FBN2: variants seen among roughly 807,000 people sequenced by gnomAD.
The protein encoded by FBN2 is fibrillin 2, also known as fibrillin-2.
FBN2 carries 105 observed loss-of-function variants against 355.6 expected under a neutral mutation model. The ratio of observed to expected loss-of-function variants is 0.30; its 90% CI spans 0.25 to 0.35. The LOEUF is 0.35. Among genes scored for constraint, FBN2 ranks in the 10% least tolerant of loss-of-function variants. FBN2 has a pLI of 1.00. For missense variants in FBN2, 3,280 were observed against 3,758.7 expected, an observed-to-expected ratio of 0.87 and a Z score of 3.33; for synonymous variants, 1,350 against 1,301.2, an observed-to-expected ratio of 1.04 and a Z score of -0.81.
At chr5:128,442,940 A>C (rs1753961694) in intron 7 of FBN2, among the ~76,000 whole-genome samples, 1 of 152,216 alleles carries the variant, frequency 6.6e-6, no homozygotes, top group Non-Finnish European at 1.5e-5. Context: ...GACATGTTTC[A>C]AACATTAAGT....
intron 7 of FBN2, among the ~76,000 whole-genome samples, chr5:128,439,934 G>T (rs1180504470): frequency 6.6e-6 from 1 of 151,984 alleles, no homozygotes; most frequent in African/African-American, 2.4e-5. Flanking sequence ...ATTTATCCTG[G>T]TATAAGATGT....
intron 22 of FBN2, among the ~76,000 whole-genome samples, 175 bp downstream of exon 22, chr5:128,349,780 T>C (rs746420091): frequency 6.6e-6 from 1 of 152,212 alleles, no homozygotes; most frequent in Non-Finnish European, 1.5e-5. Context: ...AACGGGAAAC[T>C]CTAAGCTCTT....
At chr5:128,451,153 A>G (rs1754230298) in intron 6 of FBN2, among the ~76,000 whole-genome samples, 2 of 152,158 alleles carry the variant, frequency 1.3e-5, no homozygotes, top group South Asian at 2.1e-4. Context: ...AAAGTTCTGT[A>G]TATCTCAGTG....
chr5:128,369,560 A>G (rs544447122), intron 15 of FBN2, among the ~76,000 whole-genome samples: 2 of 152,332 alleles, frequency 1.3e-5, no homozygotes, highest in South Asian at 2.1e-4. Flanking sequence ...TTCTTTAATA[A>G]GTTTTATGAG....
At chr5:128,501,929 GA>G (rs988222472) in intron 5 of FBN2, among the ~76,000 whole-genome samples, 6 of 152,132 alleles carry the variant, frequency 3.9e-5, no homozygotes, top group Admixed American at 3.3e-4. Context: ...ATGACTCGAA[GA>G]CACAACAGAA....
chr5:128,349,546 T>C, intron 22 of FBN2, 74 bp from the exon 23 acceptor site: 1 of 1,516,874 alleles, frequency 6.6e-7, no homozygotes, highest in Non-Finnish European at 9.1e-7. Flanking sequence ...CTACTTCCTG[T>C]ATAGCATTTT....
intron 7 of FBN2, among the ~76,000 whole-genome samples, chr5:128,443,855 A>T (rs1165895650): frequency 6.6e-6 from 1 of 152,132 alleles, no homozygotes; most frequent in Non-Finnish European, 1.5e-5. Flanking sequence ...ATAGTTGATC[A>T]AAAGTAATTG....
chr5:128,347,330 C>G (rs1401684668), intron 23 of FBN2, among the ~76,000 whole-genome samples: 3 of 152,138 alleles, frequency 2.0e-5, no homozygotes, highest in Non-Finnish European at 4.4e-5. Flanking sequence ...TTTATATCGG[C>G]AATTAAAAGT....
At chr5:128,417,020 A>G (rs1371172593) in intron 7 of FBN2, among the ~76,000 whole-genome samples, 4 of 152,034 alleles carry the variant, frequency 2.6e-5, no homozygotes, top group East Asian at 1.9e-4. Context: ...GTCCCCTTCA[A>G]TTTCTTTCGT....
chr5:128,519,402 A>G (rs775154545), intron 4 of FBN2, 34 bp from the exon 5 acceptor site: 3 of 1,528,472 alleles, frequency 2.0e-6, no homozygotes, highest in East Asian at 4.5e-5. Context: ...CTCATTATAT[A>G]GCCAGTCTCC....
chr5:128,412,145 A>G (rs1224219790), intron 7 of FBN2, among the ~76,000 whole-genome samples: 2 of 152,210 alleles, frequency 1.3e-5, no homozygotes, highest in Non-Finnish European at 2.9e-5. Context: ...TGCAAATATC[A>G]GAAAAACTGA....
rs76433802 is a variant in FBN2 at position 128,274,839 on chromosome 5, G to A, written c.7595-156C>T. 2.4e-3 allele frequency among the ~76,000 whole-genome samples: 361 copies of A among 152,306 alleles called. 2 individuals carry two copies. Among genetic ancestry groups the A allele is most frequent in the Non-Finnish European group, 3.7e-3 (255 of 68,012 alleles). On this transcript the variant is annotated intron_variant, in intron 59 of 64. Coordinates refer to ENST00000262464, the MANE Select transcript of FBN2 (RefSeq NM_001999.4). ...GATTTCCATAGGCATATGGCAAACA[G>A]TTTCTTTTTACATATTTAAGCAGAA...
chr5:128,421,922 T>G (rs1581279282), intron 7 of FBN2, among the ~76,000 whole-genome samples: 1 of 152,318 alleles, frequency 6.6e-6, no homozygotes, highest in South Asian at 2.1e-4. Flanking sequence ...TAATCCTAGA[T>G]TATCTGGTCC....
intron 62 of FBN2, among the ~76,000 whole-genome samples, chr5:128,270,928 T>C (rs1429747682): frequency 2.6e-5 from 4 of 152,182 alleles, no homozygotes; most frequent in African/African-American, 4.8e-5. Flanking sequence ...ATTTAAATAA[T>C]TTTTTGAAAC....
At chr5:128,481,009 AAGTAATATACTTCCTCACGG>A (rs1415226055) in intron 5 of FBN2, among the ~76,000 whole-genome samples, 2 of 152,204 alleles carry the variant, frequency 1.3e-5, no homozygotes, top group Non-Finnish European at 2.9e-5. Flanking sequence ...TCCTTCCAAG[AAGTAATATACTTCCTCACGG>A]AGTTATTTTC....
chr5:128,372,190 A>G (rs925545997), intron 15 of FBN2, among the ~76,000 whole-genome samples: 1 of 152,206 alleles, frequency 6.6e-6, no homozygotes. Flanking sequence ...GTCACTTAAG[A>G]ATATTCAGTA....
At chr5:128,520,991 C>T (rs1320453047) in intron 4 of FBN2, among the ~76,000 whole-genome samples, 1 of 152,106 alleles carries the variant, frequency 6.6e-6, no homozygotes, top group African/African-American at 2.4e-5. Context: ...TGGGAAAAAA[C>T]AAAACCTATG....
At chr5:128,455,781 G>A (rs1243160311) in intron 6 of FBN2, among the ~76,000 whole-genome samples, 2 of 151,416 alleles carry the variant, frequency 1.3e-5, no homozygotes, top group Non-Finnish European at 2.9e-5. Flanking sequence ...TTTTTCCAGG[G>A]AACTGTGCAA....
chr5:128,487,206 G>A (rs1435867709), intron 5 of FBN2, among the ~76,000 whole-genome samples: 1 of 152,186 alleles, frequency 6.6e-6, no homozygotes, highest in Non-Finnish European at 1.5e-5. Context: ...TGGTAGCCAT[G>A]GAGGCATGTG....
Sources: gnomAD v4.1 joint callset for allele counts (sites outside exome capture counted in the v4.1 genomes callset) on GRCh38, gnomAD v4.1.1 for gene constraint, MANE v1.5 for transcripts, NCBI Gene and HGNC (gene_info 2026-07-23, HGNC 2026-07-21) for gene names.